Variants in CD96 observed in about 807,000 individuals in gnomAD.
CD96 encodes CD96 molecule.
CD96 carries 70 observed loss-of-function variants against 71.3 expected under a neutral mutation model. That is an observed-to-expected ratio of 0.98 (90% CI 0.81 to 1.20). The LOEUF is 1.20. Among genes scored for constraint, CD96 ranks in the 50% most tolerant of loss-of-function variants. The probability of loss-of-function intolerance (pLI) is 0.00; values close to 1 mark genes in which losing one functional copy is unlikely to be tolerated. For missense variants in CD96, 742 were observed against 677.5 expected (o/e 1.10, Z -1.06); for synonymous variants, 248 against 233.0 (o/e 1.06, Z -0.59).
At chr3:111,639,133 T>A (rs1939474019) in intron 12 of CD96, among the ~76,000 whole-genome samples, 1 of 152,074 alleles carries the variant, frequency 6.6e-6, no homozygotes, top group African/African-American at 2.4e-5. Flanking sequence ...AAACCAGCAA[T>A]CCTGAGAAAA....
chr3:111,592,149 G>A (rs962970488), intron 5 of CD96, among the ~76,000 whole-genome samples: 1 of 152,150 alleles, frequency 6.6e-6, no homozygotes, highest in African/African-American at 2.4e-5. Context: ...GGAGGGTGGT[G>A]TGGTTATAGA....
At chr3:111,609,504 A>G (rs1004134525) in intron 8 of CD96, among the ~76,000 whole-genome samples, 1 of 152,172 alleles carries the variant, frequency 6.6e-6, no homozygotes, top group African/African-American at 2.4e-5. Flanking sequence ...GCAGACATGA[A>G]TTTCTTCTAG....
intron 2 of CD96, among the ~76,000 whole-genome samples, chr3:111,550,370 T>C (rs1421024340): frequency 2.0e-5 from 3 of 152,030 alleles, no homozygotes; most frequent in Admixed American, 1.3e-4. Context: ...GAAGAGTAGA[T>C]AGAGGTGTTC....
Position 111,563,995 on chromosome 3 carries a change from CTA to C in CD96, c.419-3526_419-3525del, listed in dbSNP as rs1935581434. On this transcript the variant is annotated intron_variant, in intron 2 of 13. Coordinates refer to ENST00000352690, the MANE Select transcript of CD96 (RefSeq NM_005816.5). ...CATTTTCTTTCCCTGAGTATATTAA[CTA>C]TGTTACTCTATTGTTTTCTGGCAGA... Among the ~76,000 whole-genome samples the C allele has an allele frequency of 3.9e-5, 6 of 152,170 alleles. No individual in the cohort carries two copies. In the South Asian group the frequency reaches 1.2e-3, roughly 32 times the overall value.
intron 3 of CD96, chr3:111,577,605 A>G: frequency 2.8e-6 from 3 of 1,067,990 alleles, no homozygotes; most frequent in Non-Finnish European, 4.4e-6. Flanking sequence ...TTTGCAGGCA[A>G]TAACACAATA....
chr3:111,579,134 C>G lies in CD96; in HGVS notation c.651C>G (p.Leu217=), dbSNP rs143028941. Residue 217 remains leucine, a synonymous_variant, in exon 4 of 14, where the codon CTC becomes CTG. Transcript: ENST00000352690. The part of the protein sequence containing the change: ...VKLGTDYRLH[L]SPVQIFDDGR... The stretch of plus-strand genomic sequence containing the variant: ...TTGGTACAGACTACAGACTCCACCT[C>G]TCTCCAGTCCAAATCTTCGATGATG... 1.3e-6 allele frequency: 2 copies of G among 1,599,626 alleles called. No individual in the cohort carries two copies. The highest frequency in any genetic ancestry group is 2.7e-5 in the African/African-American group (2 of 74,622).
chr3:111,646,065 G>A (rs1410374943), intron 12 of CD96, among the ~76,000 whole-genome samples: 1 of 152,102 alleles, frequency 6.6e-6, no homozygotes, highest in African/African-American at 2.4e-5. Flanking sequence ...CTCACAAGCA[G>A]TTACTACCTA....
At chr3:111,565,943 A>G (rs1394043121) in intron 2 of CD96, among the ~76,000 whole-genome samples, 1 of 151,430 alleles carries the variant, frequency 6.6e-6, no homozygotes, top group Admixed American at 6.6e-5. Context: ...AAATATAACA[A>G]AGATCTAAAG....
chr3:111,638,141 A>G lies in CD96; in HGVS notation c.1450A>G (p.Thr484Ala). The G allele has an allele frequency of 1.2e-6, 2 of 1,607,592 alleles. No homozygotes were observed. The highest frequency in any genetic ancestry group is 1.1e-5 in the South Asian group (1 of 90,930). The change falls in exon 12 of 14, where the codon ACG becomes GCG. Residue 484 changes from threonine to alanine, a missense_variant. Transcript: ENST00000352690. ...SEVPTTANGS[T>A]KTNHVHITGI... is the part of the protein sequence containing the mutation. The stretch of plus-strand genomic sequence containing the variant: ...AGTCCCCACAACTGCCAATGGATCT[A>G]CGAAAACTAATCACGTCCATATCAC...
chr3:111,615,574 T>C (rs1938189783), intron 8 of CD96, among the ~76,000 whole-genome samples: 1 of 152,146 alleles, frequency 6.6e-6, no homozygotes, highest in South Asian at 2.1e-4. Context: ...AGTCTGTCTT[T>C]GTCTAAGGGG....
chr3:111,603,795 G>C (rs570858099), intron 7 of CD96, among the ~76,000 whole-genome samples: 1 of 152,276 alleles, frequency 6.6e-6, no homozygotes, highest in African/African-American at 2.4e-5. Context: ...AGAAAGAGGA[G>C]TAATAAAAAG....
intron 12 of CD96, among the ~76,000 whole-genome samples, chr3:111,642,783 G>T (rs1279730095): frequency 1.3e-5 from 2 of 151,516 alleles, no homozygotes; most frequent in Non-Finnish European, 2.9e-5. Flanking sequence ...CTCCAGCCTG[G>T]GTGACAAACT....
intron 8 of CD96, among the ~76,000 whole-genome samples, chr3:111,613,390 CCAAA>C (rs1273285621): frequency 6.6e-6 from 1 of 152,130 alleles, no homozygotes; most frequent in Non-Finnish European, 1.5e-5. Context: ...AGCACATGCC[CCAAA>C]CAATCTGCCT....
intron 2 of CD96, among the ~76,000 whole-genome samples, chr3:111,549,162 C>T (rs1408484226): frequency 6.6e-6 from 1 of 151,910 alleles, no homozygotes; most frequent in Non-Finnish European, 1.5e-5. Flanking sequence ...CCCCTCCCCT[C>T]TCTTCCCCTC....
chr3:111,655,319 C>T (rs573718698), downstream of CD96, among the ~76,000 whole-genome samples: 5 of 152,240 alleles, frequency 3.3e-5, no homozygotes, highest in South Asian at 8.3e-4. Flanking sequence ...GTAGATTCCA[C>T]ACTCATGAAA....
chr3:111,581,990 C>T (rs1460941882), intron 4 of CD96, among the ~76,000 whole-genome samples: 1 of 152,188 alleles, frequency 6.6e-6, no homozygotes. Flanking sequence ...GTTTAGAGCT[C>T]ATCTTACTGG....
chr3:111,544,495 C>T (rs189701198), intron 1 of CD96, among the ~76,000 whole-genome samples: 13 of 152,194 alleles, frequency 8.5e-5, no homozygotes, highest in African/African-American at 3.1e-4. Context: ...CCAGTTTCTT[C>T]CTCATAAAAA....
At chr3:111,569,838 T>C (rs1935893527) in intron 3 of CD96, among the ~76,000 whole-genome samples, 1 of 152,234 alleles carries the variant, frequency 6.6e-6, no homozygotes, top group Admixed American at 6.5e-5. Flanking sequence ...TACAAAACAG[T>C]ATCAATCGCT....
At position 111,649,701 on chromosome 3, in the gene CD96, G is replaced by A; in HGVS notation, c.1605G>A (p.Met535Ile). Reference protein sequence around the residue: ...RKWCQYQKEIMERPPPFKPPP... With the variant: ...RKWCQYQKEIIERPPPFKPPP... ...AAGACCAATATTTTGTTCCTAGAAT[G>A]GAAAGACCTCCACCTTTCAAGCCAC... is the stretch of plus-strand genomic sequence containing the variant. The change falls in exon 14 of 14, where the codon ATG becomes ATA. Residue 535 changes from methionine (M) to isoleucine (I), a missense_variant. Physicochemically the swap from Met to Ile is conservative, Grantham distance 10. Transcript: ENST00000352690. 6.2e-7 allele frequency: 1 copy of A among 1,605,958 alleles called. No individual in the cohort carries two copies. Among genetic ancestry groups the A allele is most frequent in the Non-Finnish European group, 8.5e-7 (1 of 1,172,610 alleles).
Sources: gnomAD v4.1 joint callset for allele counts (sites outside exome capture counted in the v4.1 genomes callset) on GRCh38, gnomAD v4.1.1 for gene constraint, MANE v1.5 for transcripts, NCBI Gene and HGNC (gene_info 2026-07-23, HGNC 2026-07-21) for gene names.